The following P3H2 variants were observed in gnomAD, a reference collection of about 807,000 sequenced individuals.
The protein encoded by P3H2 is prolyl 3-hydroxylase 2, also known as leprecan-like 1.
Under a neutral mutation model 87.0 loss-of-function variants are expected in P3H2, and 80 were observed. The ratio of observed to expected loss-of-function variants is 0.92; its 90% CI spans 0.77 to 1.11. The LOEUF is 1.11. P3H2 is among the 50% of genes least tolerant of loss of function. The pLI is 0.00. For synonymous variants in P3H2, 367 were observed against 359.3 expected (o/e 1.02, Z -0.24); for missense variants, 1,001 against 923.9 (o/e 1.08, Z -1.08).
intron 1 of P3H2, among the ~76,000 whole-genome samples, chr3:190,035,173 TTTTTTTTGG>T (rs1452225481): frequency 6.6e-6 from 1 of 151,518 alleles, no homozygotes; most frequent in African/African-American, 2.4e-5. Flanking sequence ...TTTTCTTTTC[TTTTTTTTGG>T]TTTTTTTGTT....
intron 1 of P3H2, among the ~76,000 whole-genome samples, chr3:190,070,818 C>G (rs746457319): frequency 3.3e-5 from 5 of 152,166 alleles, no homozygotes; most frequent in Non-Finnish European, 7.3e-5. Context: ...TCCATTTTCA[C>G]GCTTATGCAT....
At chr3:190,104,207 T>C (rs1711741758) in intron 1 of P3H2, among the ~76,000 whole-genome samples, 1 of 152,198 alleles carries the variant, frequency 6.6e-6, no homozygotes, top group South Asian at 2.1e-4. Context: ...TTAGAAAGCA[T>C]GCTCTCTCTA....
chr3:190,075,693 G>C (rs1726849398), intron 1 of P3H2, among the ~76,000 whole-genome samples: 2 of 151,868 alleles, frequency 1.3e-5, no homozygotes, highest in Non-Finnish European at 2.9e-5. Flanking sequence ...TTAAGAGGGA[G>C]AAACATCAAG....
chr3:189,982,853 C>T (rs543311888), intron 8 of P3H2, among the ~76,000 whole-genome samples, 193 bp downstream of exon 8: 67 of 151,634 alleles, frequency 4.4e-4, no homozygotes, highest in African/African-American at 1.6e-3. Flanking sequence ...TTTTTTGAAA[C>T]CCATGGTAAT....
At chr3:190,002,642 G>A (rs926966036) in intron 1 of P3H2, among the ~76,000 whole-genome samples, 5 of 152,150 alleles carry the variant, frequency 3.3e-5, no homozygotes, top group African/African-American at 9.6e-5. Context: ...CTCGTGATCC[G>A]CCCACCTTGG....
At chr3:190,009,799 G>A (rs1450765133) in intron 1 of P3H2, among the ~76,000 whole-genome samples, 1 of 152,162 alleles carries the variant, frequency 6.6e-6, no homozygotes, top group Non-Finnish European at 1.5e-5. Flanking sequence ...CTCCCATGAG[G>A]CACTAGAGGA....
At chr3:190,119,071 C>T (rs1210588263) in intron 1 of P3H2, among the ~76,000 whole-genome samples, 7 of 147,008 alleles carry the variant, frequency 4.8e-5, no homozygotes, top group Non-Finnish European at 8.9e-5. Context: ...CACCACTGCA[C>T]TCCAGCCTGG....
At chr3:189,958,607 G>A (rs1722710740) in intron 14 of P3H2, among the ~76,000 whole-genome samples, 1 of 151,356 alleles carries the variant, frequency 6.6e-6, no homozygotes, top group African/African-American at 2.4e-5. Context: ...GCGACACCCC[G>A]TCCTCTCTAC....
intron 6 of P3H2, 100 bp from the exon 7 acceptor site, chr3:189,984,690 G>T: frequency 2.4e-6 from 2 of 834,162 alleles, no homozygotes; most frequent in Non-Finnish European, 4.0e-6. Context: ...ACATTCAAAA[G>T]ATCTATAATT....
intron 1 of P3H2, among the ~76,000 whole-genome samples, chr3:190,095,680 A>C (rs1727556874): frequency 6.7e-6 from 1 of 150,146 alleles, no homozygotes. Flanking sequence ...GGCTCACTGC[A>C]AGCTCCGCCT....
intron 1 of P3H2, among the ~76,000 whole-genome samples, chr3:190,048,217 C>T (rs1005013361): frequency 5.3e-5 from 8 of 152,108 alleles, no homozygotes; most frequent in Admixed American, 2.0e-4. Context: ...TGGTTTGAGC[C>T]GGGTGTGGTG....
chr3:190,120,494 T>A lies in P3H2; in HGVS notation c.238A>T (p.Ile80Phe). 1 of 1,457,222 alleles carries A rather than the reference T, an allele frequency of 6.9e-7. No individual in the cohort carries two copies. The highest frequency in any genetic ancestry group is 9.0e-7 in the Non-Finnish European group (1 of 1,111,530). 90.3% of individuals were successfully genotyped at this position (1,457,222 alleles called of 1,614,324 possible). ...ALRSHRRLRE[I>F]RTRCARHCAA... ...CAGTGGCGGGCACAGCGCGTGCGGA[T>A]TTCCCGCAGGCGCCGGTGGCTGCGC... The change falls in exon 1 of 15, where the codon ATC becomes TTC. Residue 80 changes from isoleucine (I) to phenylalanine (F), a missense_variant. Transcript: ENST00000319332.
intron 13 of P3H2, chr3:189,969,166 T>A: frequency 1.5e-6 from 1 of 651,158 alleles, no homozygotes. Flanking sequence ...TAAGTCCCGG[T>A]CCACCAAAAC....
chr3:190,070,719 T>C (rs1726671856), intron 1 of P3H2, among the ~76,000 whole-genome samples: 1 of 152,188 alleles, frequency 6.6e-6, no homozygotes. Context: ...TCAAAAAAGC[T>C]ATCTTCAGTT....
At position 190,120,236 on chromosome 3, in the gene P3H2, A is replaced by T. The variant is rs762562164; in HGVS notation, c.480+16T>A. On this transcript the variant is annotated intron_variant, in intron 1 of 14. Transcript: ENST00000319332. ...AGCCGCAGGGGCTTTGCAGTGGAGG[A>T]GCGCTCTGTGGGTACCTTGATGTAG... The T allele has an allele frequency of 2.1e-5, 33 of 1,607,154 alleles. No homozygotes were observed. Among genetic ancestry groups the T allele is most frequent in the Non-Finnish European group, 2.7e-5 (32 of 1,177,866 alleles).
intron 1 of P3H2, among the ~76,000 whole-genome samples, chr3:190,028,126 G>A (rs1050138251): frequency 6.6e-6 from 1 of 152,040 alleles, no homozygotes; most frequent in Non-Finnish European, 1.5e-5. Context: ...AAGAATGATT[G>A]ATAATTCTCA....
At chr3:190,032,563 T>C (rs1226100398) in intron 1 of P3H2, among the ~76,000 whole-genome samples, 1 of 152,190 alleles carries the variant, frequency 6.6e-6, no homozygotes, top group Non-Finnish European at 1.5e-5. Flanking sequence ...TCACAACACA[T>C]GAAGGTCAAC....
chr3:190,092,188 G>T (rs1027291830), intron 1 of P3H2, among the ~76,000 whole-genome samples: 3 of 149,696 alleles, frequency 2.0e-5, no homozygotes, highest in Non-Finnish European at 4.4e-5. Flanking sequence ...AGCTGAGATT[G>T]CACCACTGTA....
At chr3:190,122,111 A>ATAG (rs1712634050), upstream of P3H2, 1 of 143,424 alleles carries the variant, frequency 7.0e-6, no homozygotes, top group Non-Finnish European at 1.5e-5. Context: ...AAAAGAAAAG[A>ATAG]GAGGAGAGGA....
Sources: gnomAD v4.1 joint callset for allele counts (sites outside exome capture counted in the v4.1 genomes callset) on GRCh38, gnomAD v4.1.1 for gene constraint, MANE v1.5 for transcripts, NCBI Gene and HGNC (gene_info 2026-07-23, HGNC 2026-07-21) for gene names.